The following ONECUT2 variants were observed in gnomAD, a reference collection of about 807,000 sequenced individuals.
ONECUT2 encodes the protein one cut domain family member 2.
Under a neutral mutation model 27.9 loss-of-function variants are expected in ONECUT2, and 10 were observed. The ratio of observed to expected loss-of-function variants is 0.36; its 90% CI spans 0.22 to 0.61. The LOEUF is 0.61. Among genes scored for constraint, ONECUT2 ranks in the 20% least tolerant of loss-of-function variants. ONECUT2 has a pLI of 0.73. For synonymous variants in ONECUT2, 334 were observed against 315.1 expected (o/e 1.06, Z -0.64); for missense variants, 686 against 721.0 (o/e 0.95, Z 0.56).
rs968835606 is a variant in ONECUT2, at chr18:57,476,930, T to C, written c.*207T>C. ...GTTTTTAATGGCTATGGAGTCCAAG[T>C]GCAAGCTGAAAAATTAATCTCTTAG... On this transcript the variant is annotated 3_prime_UTR_variant, in exon 2 of 2. Transcript: ENST00000491143. The C allele has an allele frequency of 1.1e-5, 7 of 615,750 alleles. No homozygotes were observed. Among genetic ancestry groups the C allele is most frequent in the Non-Finnish European group, 2.0e-5 (7 of 358,086 alleles). 38.1% of individuals were successfully genotyped at this position (615,750 alleles called of 1,614,324 possible).
intron 1 of ONECUT2, among the ~76,000 whole-genome samples, chr18:57,438,427 C>A (rs1232722945): frequency 6.6e-6 from 1 of 152,222 alleles, no homozygotes; most frequent in Admixed American, 6.5e-5. Context: ...TCGCACAGCT[C>A]GCTTCCGGAG....
chr18:57,436,409 G>T lies in ONECUT2; in HGVS notation c.693G>T (p.Pro231=), dbSNP rs558709265. ...GCCTGTCCCCGCTGGCCGCCACGCC[G>T]CTGGGCAACGGGCTAGGCGGCCTCC... ...SQSLSPLAAT[P]LGNGLGGLHN... The change falls in exon 1 of 2, where the codon CCG becomes CCT. Residue 231 remains proline, a synonymous_variant. Coordinates refer to ENST00000491143, the MANE Select transcript of ONECUT2 (RefSeq NM_004852.3). This position sits in a 1 kb window ranked among gnomAD's most constrained non-coding sequence, Gnocchi z 5.9. 35 of 1,611,182 alleles carry T rather than the reference G, an allele frequency of 2.2e-5. No individual in the cohort carries two copies. Among genetic ancestry groups the T allele is most frequent in the African/African-American group, 2.1e-4 (16 of 75,062 alleles).
chr18:57,438,271 C>T (rs541871420), intron 1 of ONECUT2, among the ~76,000 whole-genome samples: 2 of 152,366 alleles, frequency 1.3e-5, no homozygotes, highest in South Asian at 4.1e-4. Context: ...ACACTATACC[C>T]TATGGCAAGC....
In ONECUT2 at chr18:57,460,687, CTTTTTTTT is replaced by C. The variant is rs66773926; in HGVS notation, c.1229-15737_1229-15730del. Among the ~76,000 whole-genome samples the C allele has an allele frequency of 8.9e-5, 10 of 112,962 alleles. No individual in the cohort carries two copies. The South Asian group carries it at 8.9e-4, about 10-fold the overall frequency. 74.1% of individuals were successfully genotyped at this position (112,962 alleles called of 152,430 possible). A position where few individuals can be genotyped will look rare whatever the true frequency, so the allele number is the denominator to read the frequency against. On this transcript the variant is annotated intron_variant, in intron 1 of 1. Coordinates refer to ENST00000491143, the MANE Select transcript of ONECUT2 (RefSeq NM_004852.3). ...GGCACAGAGTTCTATTCATTCAAAT[CTTTTTTTT>C]TTTTTTTTTTTTGAGATGGGGTCTC...
chr18:57,458,743 C>A (rs576535057), intron 1 of ONECUT2, among the ~76,000 whole-genome samples: 3 of 151,876 alleles, frequency 2.0e-5, no homozygotes, highest in Non-Finnish European at 4.4e-5. Flanking sequence ...GGGTGGACAC[C>A]GAGAAGCAAA....
At chr18:57,472,754 A>G (rs1052135479) in intron 1 of ONECUT2, among the ~76,000 whole-genome samples, 4 of 152,190 alleles carry the variant, frequency 2.6e-5, no homozygotes, top group Admixed American at 2.0e-4. Flanking sequence ...ATATAATCCG[A>G]CAAGCCAATG....
intron 1 of ONECUT2, among the ~76,000 whole-genome samples, chr18:57,471,567 T>G (rs1245384523): frequency 1.3e-5 from 2 of 152,204 alleles, no homozygotes. Context: ...AGGCCAGGGC[T>G]TCCCTTGTTT....
In ONECUT2 at chr18:57,490,414, T is replaced by G. The variant is rs1162301508; in HGVS notation, c.*13691T>G. ...ATGCTGGCCTGCAGAACTTGCATCC[T>G]TTGTTCTATACTGTTGACTGCTTGA... On this transcript the variant is annotated 3_prime_UTR_variant, in exon 2 of 2. Transcript: ENST00000491143. 1 of 152,240 alleles carries G rather than the reference T, an allele frequency of 6.6e-6. No individual in the cohort carries two copies. The highest frequency in any genetic ancestry group is 1.5e-5 in the Non-Finnish European group (1 of 68,050). 9.4% of individuals were successfully genotyped at this position (152,240 alleles called of 1,614,324 possible).
rs189624364 is a variant in ONECUT2, at chr18:57,485,433, C to T, written c.*8710C>T. The T allele has an allele frequency of 3.9e-5, 6 of 152,340 alleles. No homozygotes were observed. In the East Asian group the frequency reaches 1.2e-3, roughly 29 times the overall value. 9.4% of individuals were successfully genotyped at this position (152,340 alleles called of 1,614,324 possible). On this transcript the variant is annotated 3_prime_UTR_variant, in exon 2 of 2. Coordinates refer to ENST00000491143, the MANE Select transcript of ONECUT2 (RefSeq NM_004852.3). ...AAGAAATGGCTACTTAAAGTTGCTTCTCTCTTTCCTTCTTACTCATGAAAT... is the reference window on the plus strand; with the variant it reads ...AAGAAATGGCTACTTAAAGTTGCTTTTCTCTTTCCTTCTTACTCATGAAAT...
chr18:57,452,718 C>A (rs2050237830), intron 1 of ONECUT2, among the ~76,000 whole-genome samples: 1 of 152,220 alleles, frequency 6.6e-6, no homozygotes, highest in East Asian at 1.9e-4. Context: ...CGCCACCACG[C>A]CTGGCCTCAA....
Position 57,436,781 on chromosome 18 carries a change from C to A in ONECUT2, c.1065C>A (p.Ile355=), listed in dbSNP as rs776411085. Reference sequence around the variant, plus strand: ...AGCGCTACAGTATCCCCCAGGCGATCTTTGCGCAGAGGGTGCTGTGCCGGT... The same window carrying A: ...AGCGCTACAGTATCCCCCAGGCGATATTTGCGCAGAGGGTGCTGTGCCGGT... ...ELKRYSIPQA[I]FAQRVLCRSQ... Residue 355 remains isoleucine (I), a synonymous_variant, in exon 1 of 2, where the codon ATC becomes ATA. Coordinates refer to ENST00000491143, the MANE Select transcript of ONECUT2 (RefSeq NM_004852.3). The surrounding 1 kb of genome is among the most constrained non-coding windows in gnomAD (Gnocchi z 5.9). 1 of 1,613,988 alleles carries A rather than the reference C, an allele frequency of 6.2e-7. No homozygotes were observed. The highest frequency in any genetic ancestry group is 1.3e-5 in the African/African-American group (1 of 74,958).
chr18:57,448,933 A>G (rs112463738), intron 1 of ONECUT2, among the ~76,000 whole-genome samples: 1 of 152,224 alleles, frequency 6.6e-6, no homozygotes, highest in African/African-American at 2.4e-5. Flanking sequence ...TAGGGGAAAA[A>G]TTCGTCTTGG....
At chr18:57,441,127 TG>T (rs1241406011) in intron 1 of ONECUT2, among the ~76,000 whole-genome samples, 2 of 152,236 alleles carry the variant, frequency 1.3e-5, no homozygotes, top group African/African-American at 4.8e-5. Context: ...TGCGAGAGGC[TG>T]GGCATTTATT....
At chr18:57,459,364 C>G (rs1012099765) in intron 1 of ONECUT2, among the ~76,000 whole-genome samples, 2 of 152,112 alleles carry the variant, frequency 1.3e-5, no homozygotes, top group African/African-American at 2.4e-5. Flanking sequence ...AGAAAAGGGT[C>G]AATACAGCAA....
rs943444389 is a variant in ONECUT2 at position 57,479,772 on chromosome 18, A to G, written c.*3049A>G. ...TGGGAAGGCTCGGTGGTCCATTTTCACCAGTTAAAGAATATGAGGCCAGCC... is the reference window on the plus strand; with the variant it reads ...TGGGAAGGCTCGGTGGTCCATTTTCGCCAGTTAAAGAATATGAGGCCAGCC... On this transcript the variant is annotated 3_prime_UTR_variant, in exon 2 of 2. Coordinates refer to ENST00000491143, the MANE Select transcript of ONECUT2 (RefSeq NM_004852.3). 1.4e-4 allele frequency: 21 copies of G among 151,504 alleles called. No homozygotes were observed. The highest frequency in any genetic ancestry group is 4.9e-4 in the African/African-American group (20 of 41,112). The allele number at this position is 151,504 out of a possible 1,614,324, so 9.4% of individuals were successfully genotyped here.
Position 57,436,985 on chromosome 18 carries a change from GGGCTCC to G in ONECUT2, c.1228+44_1228+49del. 1 of 1,529,138 alleles carries G rather than the reference GGGCTCC, an allele frequency of 6.5e-7. No homozygotes were observed. The highest frequency in any genetic ancestry group is 2.4e-5 in the East Asian group (1 of 40,848). 94.7% of individuals were successfully genotyped at this position (1,529,138 alleles called of 1,614,324 possible). A position where few individuals can be genotyped will look rare whatever the true frequency, so the allele number is the denominator to read the frequency against. The stretch of plus-strand genomic sequence containing the variant: ...GCCAGGGGCCAGGCTGCTGGGAAGA[GGGCTCC>G]GGGTCCGGTGCTTGTGGCCCAAGTC... On this transcript the variant is annotated intron_variant, in intron 1 of 1. Transcript: ENST00000491143. This position sits in a 1 kb window ranked among gnomAD's most constrained non-coding sequence, Gnocchi z 5.9.
At chr18:57,457,087 C>CT (rs1457313775) in intron 1 of ONECUT2, among the ~76,000 whole-genome samples, 1 of 152,126 alleles carries the variant, frequency 6.6e-6, no homozygotes, top group East Asian at 1.9e-4. Flanking sequence ...ATAATTCACA[C>CT]TTTAAATTTC....
chr18:57,443,994 C>T (rs970600444), intron 1 of ONECUT2, among the ~76,000 whole-genome samples: 25 of 152,190 alleles, frequency 1.6e-4, no homozygotes, highest in Non-Finnish European at 1.0e-4. Context: ...CATATACTTT[C>T]TCCTGCAAGA....
chr18:57,484,002 G>T lies in ONECUT2; in HGVS notation c.*7279G>T, dbSNP rs2122164555. 1 of 152,674 alleles carries T rather than the reference G, an allele frequency of 6.5e-6. No homozygotes were observed. The allele number at this position is 152,674 out of a possible 1,614,324, so 9.5% of individuals were successfully genotyped here. On this transcript the variant is annotated 3_prime_UTR_variant, in exon 2 of 2. Transcript: ENST00000491143. ...TGGACAAGCAATGACTATTCAGCCT[G>T]AACCTGTGCATTCAGAAAACATAAG...
Sources: allele counts gnomAD v4.1 joint callset (sites outside exome capture counted in the v4.1 genomes callset), GRCh38; gene constraint gnomAD v4.1.1; non-coding constraint Gnocchi (gnomAD v3.1); transcripts MANE v1.5; gene names NCBI Gene and HGNC (gene_info 2026-07-23, HGNC 2026-07-21).